NTRK3: variants seen among roughly 807,000 people sequenced by gnomAD.
NTRK3 encodes the protein NT-3 growth factor receptor.
A neutral mutation model predicts 91.7 loss-of-function variants in NTRK3; 24 were observed. The observed-to-expected ratio is 0.26, with a 90% CI of 0.19 to 0.37. The LOEUF is 0.37. Ranked by LOEUF, NTRK3 falls within the 10% of genes least tolerant of loss-of-function variation. NTRK3 has a pLI of 1.00. For synonymous variants in NTRK3, 483 were observed against 404.0 expected (o/e 1.20, Z -2.34); for missense variants, 880 against 1,068.9 (o/e 0.82, Z 2.46).
chr15:88,035,548 C>T (rs1452742425), intron 13 of NTRK3, among the ~76,000 whole-genome samples: 1 of 152,222 alleles, frequency 6.6e-6, no homozygotes, highest in Non-Finnish European at 1.5e-5. Context: ...AAGTCAAGCT[C>T]ATTCTGTGAT....
At chr15:87,867,241 C>T in exon 19 of NTRK3, 1 of 225,956 alleles carries the variant, frequency 4.4e-6, no homozygotes, top group South Asian at 1.8e-4. Flanking sequence ...TCTCTGAAAA[C>T]CTAGGCTAAA....
chr15:88,199,497 T>G (rs2048110570), intron 3 of NTRK3, among the ~76,000 whole-genome samples: 1 of 152,226 alleles, frequency 6.6e-6, no homozygotes, highest in African/African-American at 2.4e-5. Flanking sequence ...AGCTTCACCC[T>G]TGGGCAAGAA....
rs1034100525 is a variant in NTRK3 at position 88,035,833 on chromosome 15, C to T, written c.1397-2788G>A. The stretch of plus-strand genomic sequence containing the variant: ...AGTGAAAACACTGCATCTATACAAG[C>T]AAGGCAATATTTAAAACGTGAACAA... On this transcript the variant is annotated intron_variant, in intron 13 of 18. Transcript: ENST00000394480. 2.0e-5 allele frequency among the ~76,000 whole-genome samples: 3 copies of T among 152,174 alleles called. No individual in the cohort carries two copies. In the East Asian group the frequency reaches 5.8e-4, roughly 29 times the overall value.
intron 5 of NTRK3, among the ~76,000 whole-genome samples, chr15:88,155,547 G>A (rs944333913): frequency 6.6e-6 from 1 of 152,162 alleles, no homozygotes; most frequent in Non-Finnish European, 1.5e-5. Flanking sequence ...AACTAATAGG[G>A]CCACTTTCAC....
At chr15:88,038,274 G>C (rs942772062) in intron 13 of NTRK3, among the ~76,000 whole-genome samples, 2 of 152,176 alleles carry the variant, frequency 1.3e-5, no homozygotes, top group African/African-American at 4.8e-5. Flanking sequence ...CAGCGGAAAA[G>C]AGCATCGCAC....
intron 13 of NTRK3, among the ~76,000 whole-genome samples, chr15:88,059,590 A>G (rs571965853): frequency 6.6e-6 from 1 of 152,256 alleles, no homozygotes; most frequent in East Asian, 1.9e-4. Flanking sequence ...ACCTCAATCA[A>G]CACAGGACAA....
chr15:87,885,822 A>G (rs757287962), intron 17 of NTRK3, 87 bp from the exon 18 acceptor site: 5 of 488,780 alleles, frequency 1.0e-5, no homozygotes, highest in Non-Finnish European at 1.7e-5. Context: ...GCCTTCCTAA[A>G]TAAGACACAT....
rs185792539 is a variant in NTRK3 at position 88,189,569 on chromosome 15, C to G, written c.249-5270G>C. ...AAGCAATTCTCCTGCCTTAGCCTCCCGAGTAGCTGGGATTACAGACATGTG... is the reference window on the plus strand; with the variant it reads ...AAGCAATTCTCCTGCCTTAGCCTCCGGAGTAGCTGGGATTACAGACATGTG... On this transcript the variant is annotated intron_variant, in intron 3 of 18. Transcript: ENST00000394480. Among the ~76,000 whole-genome samples, 6 of 152,104 alleles carry G rather than the reference C, an allele frequency of 3.9e-5. No homozygotes were observed. The East Asian group carries it at 9.7e-4, about 25-fold the overall frequency.
chr15:88,046,537 G>C (rs945393731), intron 13 of NTRK3, among the ~76,000 whole-genome samples: 4 of 152,164 alleles, frequency 2.6e-5, no homozygotes, highest in Non-Finnish European at 4.4e-5. Context: ...GGAAGGCAGT[G>C]CAAGGAAGGA....
intron 13 of NTRK3, among the ~76,000 whole-genome samples, chr15:88,062,999 C>CCA (rs1356235267): frequency 6.6e-6 from 1 of 152,158 alleles, no homozygotes; most frequent in Non-Finnish European, 1.5e-5. Flanking sequence ...TCCCCCTCAC[C>CCA]CACACACACA....
At chr15:87,924,942 C>T (rs1484164683) in intron 17 of NTRK3, among the ~76,000 whole-genome samples, 1 of 152,142 alleles carries the variant, frequency 6.6e-6, no homozygotes, top group South Asian at 2.1e-4. Context: ...ATTGACTCCT[C>T]TCCCCAAATC....
Position 87,889,437 on chromosome 15 carries a change from T to A in NTRK3, c.2134-9009A>T, listed in dbSNP as rs2065735667. On this transcript the variant is annotated intron_variant, in intron 17 of 18. Coordinates refer to ENST00000394480, the Ensembl canonical transcript of NTRK3. ...TTTTTTTTTTGAGACGAAGTCTCAC[T>A]CTTGTTGCCCAGGCTGGAGTGCAGT... Among the ~76,000 whole-genome samples, 3 of 128,032 alleles carry A rather than the reference T, an allele frequency of 2.3e-5. No individual in the cohort carries two copies. In the South Asian group the frequency reaches 8.4e-4, roughly 36 times the overall value. The allele number at this position is 128,032 out of a possible 152,430, so 84.0% of individuals were successfully genotyped here.
intron 3 of NTRK3, among the ~76,000 whole-genome samples, chr15:88,203,061 G>A (rs1243354797): frequency 4.6e-5 from 7 of 152,138 alleles, no homozygotes; most frequent in Non-Finnish European, 1.5e-5. Flanking sequence ...TCTGGAGTGG[G>A]CCAAGTGTCT....
chr15:87,988,256 C>A (rs1028190969), intron 14 of NTRK3, among the ~76,000 whole-genome samples: 1 of 152,172 alleles, frequency 6.6e-6, no homozygotes, highest in Admixed American at 6.5e-5. Flanking sequence ...CTACATGAAA[C>A]CTGACCATCA....
At chr15:87,940,494 C>A in intron 15 of NTRK3, 129 bp downstream of exon 15, 1 of 1,464,786 alleles carries the variant, frequency 6.8e-7, no homozygotes, top group Admixed American at 1.7e-5. Flanking sequence ...GACCTCGGAG[C>A]AAAGTCCTTT....
intron 18 of NTRK3, among the ~76,000 whole-genome samples, chr15:87,877,528 T>G (rs1478264905): frequency 6.6e-6 from 1 of 152,142 alleles, no homozygotes; most frequent in Non-Finnish European, 1.5e-5. Context: ...CTGCCTCACT[T>G]TGAAACTGCC....
At chr15:88,211,737 A>G (rs1287447077) in intron 3 of NTRK3, among the ~76,000 whole-genome samples, 2 of 152,222 alleles carry the variant, frequency 1.3e-5, no homozygotes, top group Admixed American at 1.3e-4. Context: ...TCAAGTCACT[A>G]CAAGTCAGCT....
At chr15:88,215,316 C>A (rs2049658686) in intron 3 of NTRK3, among the ~76,000 whole-genome samples, 5 of 152,268 alleles carry the variant, frequency 3.3e-5, no homozygotes, top group Admixed American at 3.3e-4. Context: ...TGGACCTAAG[C>A]AGCATGCCCA....
At chr15:87,933,035 A>G in exon 16 of NTRK3, 1 of 1,614,106 alleles carries the variant, frequency 6.2e-7, no homozygotes, top group Non-Finnish European at 8.5e-7. Context: ...TCAGGTCTCC[A>G]TGCTTCATGT....
Sources: allele counts gnomAD v4.1 joint callset (sites outside exome capture counted in the v4.1 genomes callset), GRCh38; gene constraint gnomAD v4.1.1; transcripts MANE v1.5; gene names NCBI Gene and HGNC (gene_info 2026-07-23, HGNC 2026-07-21).